OR56A3: variants seen among roughly 807,000 people sequenced by gnomAD.
OR56A3 encodes the protein olfactory receptor family 56 subfamily A member 3, also known as olfactory receptor 56A3.
In OR56A3, 23 loss-of-function variants were observed where a neutral mutation model predicts 17.5. The ratio of observed to expected loss-of-function variants is 1.32; its 90% CI spans 0.95 to 1.87. The LOEUF (loss-of-function observed/expected upper bound fraction) is 1.87, where lower values mean the gene tolerates loss of function less well. Among genes scored for constraint, OR56A3 ranks in the 40% most tolerant of loss-of-function variants. OR56A3 has a pLI of 0.00. For synonymous variants in OR56A3, 175 were observed against 150.6 expected (o/e 1.16, Z -1.19); for missense variants, 366 against 380.1 (o/e 0.96, Z 0.31).
chr11:5,993,802 C>T, the OR56A3 span: 1 of 272,316 alleles, frequency 3.7e-6, no homozygotes, highest in South Asian at 4.2e-5. Context: ...TAACATGTAA[C>T]CAACATTTTT....
the OR56A3 span, among the ~76,000 whole-genome samples, chr11:5,983,392 T>C: frequency 6.6e-6 from 1 of 152,228 alleles, no homozygotes; most frequent in Non-Finnish European, 1.5e-5. Context: ...TTTAACTCTT[T>C]TCATGCTACC....
chr11:5,990,606 A>C, the OR56A3 span, among the ~76,000 whole-genome samples: 1 of 151,918 alleles, frequency 6.6e-6, no homozygotes, highest in Non-Finnish European at 1.5e-5. Context: ...CCTGATCTCT[A>C]TGATAATAGG....
chr11:5,963,471 G>A, the OR56A3 span, among the ~76,000 whole-genome samples: 1 of 151,032 alleles, frequency 6.6e-6, no homozygotes, highest in African/African-American at 2.4e-5. Flanking sequence ...CAGATTTTTT[G>A]GTGTTTTTTT....
rs752309560 is a variant in OR56A3, at chr11:5,947,745, A to G, written c.399A>G (p.Pro133=). Residue 133 remains proline, a synonymous_variant, in exon 3 of 3, where the codon CCA becomes CCG. Transcript: ENST00000641160. The part of the protein sequence containing the change: ...AYDRYVAICH[P]LRYPSIITDH... ...ATCGTTATGTAGCCATCTGCCACCC[A>G]CTGAGATATCCATCAATCATCACTG... The G allele has an allele frequency of 3.7e-6, 6 of 1,614,080 alleles. No individual in the cohort carries two copies. The highest frequency in any genetic ancestry group is 3.4e-6 in the Non-Finnish European group (4 of 1,180,036).
the OR56A3 span, among the ~76,000 whole-genome samples, chr11:5,989,048 AT>A: frequency 6.6e-6 from 1 of 152,248 alleles, no homozygotes; most frequent in East Asian, 1.9e-4. Context: ...TCTGAATATG[AT>A]AGCTATAAAG....
rs769012601 is a variant in OR56A3 at position 5,947,842 on chromosome 11, C to A, written c.496C>A (p.Leu166Ile). 2.5e-6 allele frequency: 4 copies of A among 1,614,208 alleles called. No homozygotes were observed. Among genetic ancestry groups the A allele is most frequent in the Non-Finnish European group, 3.4e-6 (4 of 1,180,038 alleles). ...NVLMTLPIPI[L>I]SAQLRYCGRN... is the part of the protein sequence containing the mutation. ...GCTTATGACTCTGCCCATCCCCATC[C>A]TTTCAGCACAACTCCGTTATTGTGG... The change falls in exon 3 of 3, where the codon CTT becomes ATT. Residue 166 changes from leucine to isoleucine, a missense_variant. Transcript: ENST00000641160.
chr11:5,991,177 G>T, the OR56A3 span, among the ~76,000 whole-genome samples: 1 of 152,222 alleles, frequency 6.6e-6, no homozygotes, highest in South Asian at 2.1e-4. Context: ...GCTCTGGCAA[G>T]ACTTGAGTAA....
rs756563273 is a variant in OR56A3 at position 5,947,937 on chromosome 11, C to G, written c.591C>G (p.Thr197=). Residue 197 remains threonine (T), a synonymous_variant, in exon 3 of 3, where the codon ACC becomes ACG. Coordinates refer to ENST00000641160, the MANE Select transcript of OR56A3 (RefSeq NM_001003443.3). ...SVSRLSCDDV[T]INHLYQFAGG... ...CCAGACTCTCCTGCGATGATGTCACCATCAATCACCTTTACCAATTTGCTG... is the reference window on the plus strand; with the variant it reads ...CCAGACTCTCCTGCGATGATGTCACGATCAATCACCTTTACCAATTTGCTG... 5.0e-6 allele frequency: 8 copies of G among 1,614,154 alleles called. No homozygotes were observed. The highest frequency in any genetic ancestry group is 6.8e-6 in the Non-Finnish European group (8 of 1,180,008).
intron 1 of OR56A3, chr11:5,943,447 G>A (rs934721044): frequency 2.7e-5 from 4 of 148,082 alleles, no homozygotes; most frequent in African/African-American, 1.0e-4. Context: ...CCTTCTAGGA[G>A]TCCTTTGTGA....
At chr11:5,988,333 C>T in the OR56A3 span, among the ~76,000 whole-genome samples, 1 of 151,942 alleles carries the variant, frequency 6.6e-6, no homozygotes, top group African/African-American at 2.4e-5. Context: ...AGAAACATAT[C>T]TTATTATACT....
chr11:5,956,208 A>G (rs1482879378), downstream of OR56A3, among the ~76,000 whole-genome samples: 1 of 152,272 alleles, frequency 6.6e-6, no homozygotes, highest in Non-Finnish European at 1.5e-5. Flanking sequence ...TTTCTGAAAT[A>G]TAATGATTCT....
At chr11:5,995,932 C>G in the OR56A3 span, among the ~76,000 whole-genome samples, 1 of 152,222 alleles carries the variant, frequency 6.6e-6, no homozygotes. Flanking sequence ...ATTCTACTCT[C>G]AAAGACTTTA....
chr11:5,944,522 T>A (rs1847856898), intron 1 of OR56A3, among the ~76,000 whole-genome samples: 1 of 152,188 alleles, frequency 6.6e-6, no homozygotes, highest in Admixed American at 6.5e-5. Context: ...CATAAACATG[T>A]ATGCATCACT....
chr11:6,016,759 A>C, the OR56A3 span, among the ~76,000 whole-genome samples: 64 of 151,726 alleles, frequency 4.2e-4, no homozygotes, highest in East Asian at 2.9e-3. Flanking sequence ...AAATAATACA[A>C]AAAAAAACCC....
At chr11:5,993,721 A>C in the OR56A3 span, among the ~76,000 whole-genome samples, 3 of 152,226 alleles carry the variant, frequency 2.0e-5, no homozygotes, top group African/African-American at 7.2e-5. Context: ...CATCTTTAAA[A>C]AGTAAAAGAA....
At chr11:5,974,968 T>A in the OR56A3 span, among the ~76,000 whole-genome samples, 192 of 152,364 alleles carry the variant, frequency 1.3e-3, no homozygotes, top group Non-Finnish European at 2.4e-3. Flanking sequence ...TCCACTTTTC[T>A]TTTTGGTAAT....
At chr11:6,021,437 A>G in the OR56A3 span, 1 of 152,150 alleles carries the variant, frequency 6.6e-6, no homozygotes, top group African/African-American at 2.4e-5. Flanking sequence ...AATGTTTGAG[A>G]TGATGGATAT....
At chr11:5,985,271 T>C in the OR56A3 span, among the ~76,000 whole-genome samples, 4 of 152,172 alleles carry the variant, frequency 2.6e-5, no homozygotes, top group Non-Finnish European at 4.4e-5. Flanking sequence ...ATCCAAAGCA[T>C]GAATATAAAT....
At chr11:6,003,107 C>A in the OR56A3 span, 14 of 1,600,276 alleles carry the variant, frequency 8.7e-6, no homozygotes, top group Non-Finnish European at 1.0e-5. Flanking sequence ...CACTGAGGCC[C>A]TGTATCTGTC....
Sources: allele counts gnomAD v4.1 joint callset (sites outside exome capture counted in the v4.1 genomes callset), GRCh38; gene constraint gnomAD v4.1.1; transcripts MANE v1.5; gene names NCBI Gene and HGNC (gene_info 2026-07-23, HGNC 2026-07-21).